CHN2: variants seen among roughly 807,000 people sequenced by gnomAD.
CHN2 encodes the protein chimerin 2.
In CHN2, 35 loss-of-function variants were observed where a neutral mutation model predicts 56.3. That is an observed-to-expected ratio of 0.62 (90% CI 0.47 to 0.82). The LOEUF is 0.82. CHN2 is among the 40% of genes least tolerant of loss of function. CHN2 has a pLI of 0.00. For missense variants in CHN2, 491 were observed against 580.5 expected, an observed-to-expected ratio of 0.85 and a Z score of 1.58; for synonymous variants, 210 against 212.8, an observed-to-expected ratio of 0.99 and a Z score of 0.12.
intron 3 of CHN2, among the ~76,000 whole-genome samples, chr7:29,390,297 A>G (rs1399589459): frequency 6.6e-6 from 1 of 152,186 alleles, no homozygotes; most frequent in Non-Finnish European, 1.5e-5. Context: ...CTTAAAAAGA[A>G]TGAGCTGCTT....
chr7:29,445,479 T>C (rs1390180993), intron 6 of CHN2, among the ~76,000 whole-genome samples: 2 of 152,214 alleles, frequency 1.3e-5, no homozygotes, highest in African/African-American at 2.4e-5. Context: ...TATTATGTCC[T>C]TAAAGCATAA....
chr7:29,268,322 A>AC (rs59299983), intron 1 of CHN2, among the ~76,000 whole-genome samples: 3 of 151,004 alleles, frequency 2.0e-5, no homozygotes, highest in East Asian at 1.9e-4. Context: ...ACACACACAC[A>AC]ATGTCCTTCA....
chr7:29,429,976 C>T (rs192323110), intron 6 of CHN2, among the ~76,000 whole-genome samples: 17 of 152,286 alleles, frequency 1.1e-4, no homozygotes, highest in East Asian at 7.7e-4. Context: ...AATAGAAGCA[C>T]GCTGTTCCAA....
intron 6 of CHN2, among the ~76,000 whole-genome samples, chr7:29,473,435 G>T (rs1786280487): frequency 6.7e-6 from 1 of 150,024 alleles, no homozygotes; most frequent in Non-Finnish European, 1.5e-5. Flanking sequence ...CAGAGGTAGA[G>T]CTTGAGCATG....
chr7:29,433,785 G>A (rs1267115428), intron 6 of CHN2, among the ~76,000 whole-genome samples: 3 of 151,316 alleles, frequency 2.0e-5, no homozygotes, highest in South Asian at 2.1e-4. Flanking sequence ...GTTGCAATGA[G>A]CCAAGATCAT....
chr7:29,159,208 T>C (rs985855144), intron 2 of CHN2, among the ~76,000 whole-genome samples: 6 of 152,172 alleles, frequency 3.9e-5, no homozygotes, highest in Non-Finnish European at 7.4e-5. Flanking sequence ...AGTTTAGACC[T>C]GAGATGGACC....
intron 2 of CHN2, among the ~76,000 whole-genome samples, chr7:29,173,774 CAAA>C (rs764330313): frequency 2.5e-5 from 3 of 120,202 alleles, no homozygotes; most frequent in Admixed American, 8.5e-5. Context: ...CTGTCTCTAC[CAAA>C]AAAAAAAAAA....
At chr7:29,477,146 A>G (rs551900582) in intron 6 of CHN2, among the ~76,000 whole-genome samples, 22 of 152,172 alleles carry the variant, frequency 1.4e-4, no homozygotes, top group Non-Finnish European at 3.1e-4. Context: ...TTCCCTTAAT[A>G]AGAGGGTGAT....
At chr7:29,203,717 C>G (rs1341894170) in intron 1 of CHN2, among the ~76,000 whole-genome samples, 1 of 152,062 alleles carries the variant, frequency 6.6e-6, no homozygotes, top group African/African-American at 2.4e-5. Context: ...CTCCTGTAGC[C>G]CTGTCTACTT....
At position 29,199,660 on chromosome 7, in the gene CHN2, A is replaced by T. The variant is rs148292563; in HGVS notation, c.49+4670A>T. ...TTTTCTCCTGAGCATTCCATACCTC[A>T]TTTTAACTTATTAGATTTTATTGTC... On this transcript the variant is annotated intron_variant, in intron 1 of 12. Coordinates refer to ENST00000222792, the MANE Select transcript of CHN2 (RefSeq NM_004067.4). 262 of 152,318 alleles carry T rather than the reference A, an allele frequency of 1.7e-3. 1 individual carries two copies. The highest frequency in any genetic ancestry group is 5.0e-3 in the East Asian group (26 of 5,190). The allele number at this position is 152,318 out of a possible 1,614,324, so 9.4% of individuals were successfully genotyped here. A position where few individuals can be genotyped will look rare whatever the true frequency, so the allele number is the denominator to read the frequency against.
At position 29,437,597 on chromosome 7, in the gene CHN2, C is replaced by CAAAAAAAAAAAAAAA. The variant is rs11436612; in HGVS notation, c.576+36771_576+36785dup. 5.5e-4 allele frequency among the ~76,000 whole-genome samples: 29 copies of CAAAAAAAAAAAAAAA among 52,594 alleles called. No homozygotes were observed. In the East Asian group the frequency reaches 7.2e-3, roughly 13 times the overall value. 34.5% of individuals were successfully genotyped at this position (52,594 alleles called of 152,430 possible). On this transcript the variant is annotated intron_variant, in intron 6 of 12. Coordinates refer to ENST00000222792, the MANE Select transcript of CHN2 (RefSeq NM_004067.4). The stretch of plus-strand genomic sequence containing the variant: ...TGGGCGACAGAGCGAGACTCCGTCT[C>CAAAAAAAAAAAAAAA]AAAAAAAAAAAAAAAAGATATCTAA...
At chr7:29,343,900 C>T (rs911678115) in intron 1 of CHN2, among the ~76,000 whole-genome samples, 1 of 152,214 alleles carries the variant, frequency 6.6e-6, no homozygotes, top group African/African-American at 2.4e-5. Context: ...GTTCACTTGG[C>T]CATTCCTCAG....
chr7:29,366,903 A>G (rs555444847), intron 2 of CHN2, among the ~76,000 whole-genome samples: 7 of 152,286 alleles, frequency 4.6e-5, no homozygotes, highest in Admixed American at 4.6e-4. Flanking sequence ...TATGATCACT[A>G]CCCTTCAATT....
chr7:29,271,120 A>G (rs1790598355), intron 1 of CHN2, among the ~76,000 whole-genome samples: 1 of 152,148 alleles, frequency 6.6e-6, no homozygotes, highest in African/African-American at 2.4e-5. Context: ...GGAAGAAGTG[A>G]GAGGAAGTGG....
chr7:29,484,250 T>G (rs1012008922), intron 7 of CHN2, among the ~76,000 whole-genome samples: 18 of 152,254 alleles, frequency 1.2e-4, no homozygotes, highest in African/African-American at 4.3e-4. Context: ...AATGGATGAC[T>G]TAGATGATTT....
intron 1 of CHN2, among the ~76,000 whole-genome samples, chr7:29,265,535 G>T (rs762446358): frequency 6.6e-6 from 1 of 152,204 alleles, no homozygotes; most frequent in Non-Finnish European, 1.5e-5. Flanking sequence ...AGACAATAGG[G>T]ACTCCTGGAG....
intron 1 of CHN2, among the ~76,000 whole-genome samples, chr7:29,326,845 GATAATA>G (rs1051811928): frequency 2.6e-5 from 4 of 152,168 alleles, no homozygotes; most frequent in African/African-American, 9.7e-5. Context: ...AATATGTACT[GATAATA>G]ATAATTATGA....
rs1791645103 is a variant in CHN2, at chr7:29,512,767, C to T, written c.*32C>T. 1 of 1,592,170 alleles carries T rather than the reference C, an allele frequency of 6.3e-7. No individual in the cohort carries two copies. The highest frequency in any genetic ancestry group is 8.5e-7 in the Non-Finnish European group (1 of 1,170,000). On this transcript the variant is annotated 3_prime_UTR_variant, in exon 13 of 13. Coordinates refer to ENST00000222792, the MANE Select transcript of CHN2 (RefSeq NM_004067.4). ...AGGGAAATGAGCTGAATGGCCCCAG[C>T]ACCATCCAAGTTGACACAGCTAAAG...
chr7:29,253,864 A>T (rs775967662), intron 1 of CHN2, among the ~76,000 whole-genome samples: 5 of 152,200 alleles, frequency 3.3e-5, no homozygotes, highest in African/African-American at 1.2e-4. Flanking sequence ...TAAAGTGTCA[A>T]TTATACTGTT....
Sources: allele counts gnomAD v4.1 joint callset (sites outside exome capture counted in the v4.1 genomes callset), GRCh38; gene constraint gnomAD v4.1.1; transcripts MANE v1.5; gene names NCBI Gene and HGNC (gene_info 2026-07-23, HGNC 2026-07-21).